Variants in MZT1 observed in about 807,000 individuals in gnomAD.
The protein encoded by MZT1 is mitotic spindle organizing protein 1, also known as mitotic-spindle organizing protein 1.
A neutral mutation model predicts 8.5 loss-of-function variants in MZT1; 8 were observed. That is an observed-to-expected ratio of 0.94 (90% CI 0.55 to 1.70). MZT1 has a LOEUF of 1.70. Ranked by LOEUF, MZT1 falls within the 40% of genes most tolerant of loss-of-function variation. The pLI is 0.00. For synonymous variants in MZT1, 38 were observed against 42.0 expected (o/e 0.90, Z 0.37); for missense variants, 93 against 108.6 (o/e 0.86, Z 0.64).
Position 72,708,874 on chromosome 13 carries a change from T to C in MZT1, c.*1448A>G, listed in dbSNP as rs1000326468. On this transcript the variant is annotated 3_prime_UTR_variant, in exon 3 of 3. Transcript: ENST00000377818. ...AGGTTGCTATTTAAATATTACCAAATCTTAATAAAACCACTTCAGCTTGTC... is the reference window on the plus strand; with the variant it reads ...AGGTTGCTATTTAAATATTACCAAACCTTAATAAAACCACTTCAGCTTGTC... 2 of 149,378 alleles carry C rather than the reference T, an allele frequency of 1.3e-5. No individual in the cohort carries two copies. The highest frequency in any genetic ancestry group is 3.0e-5 in the Non-Finnish European group (2 of 67,458). 9.3% of individuals were successfully genotyped at this position (149,378 alleles called of 1,614,324 possible). A position where few individuals can be genotyped will look rare whatever the true frequency, so the allele number is the denominator to read the frequency against.
intron 1 of MZT1, 83 bp from the exon 2 acceptor site, chr13:72,719,180 A>AT: frequency 9.1e-7 from 1 of 1,097,086 alleles, no homozygotes. Flanking sequence ...TAATTTATAT[A>AT]TCACTGCACA....
rs768769963 is a variant in MZT1, at chr13:72,727,595, C to T, written c.8G>A (p.Ser3Asn). 7 of 1,599,500 alleles carry T rather than the reference C, an allele frequency of 4.4e-6. No homozygotes were observed. The East Asian group carries it at 1.1e-4, about 26-fold the overall frequency. Residue 3 changes from serine (S) to asparagine (N), a missense_variant, in exon 1 of 3, where the codon AGT (serine) becomes AAT (asparagine). Transcript: ENST00000377818. MA[S>N]SSGAGAAAAA... is the part of the protein sequence containing the mutation. The stretch of plus-strand genomic sequence containing the variant: ...CGCCGCCGCCCCAGCACCGCTGCTA[C>T]TCGCCATGGCTAAGGCCGAGGGAGG...
At position 72,710,347 on chromosome 13, in the gene MZT1, T is replaced by A; in HGVS notation, c.226-2A>T. The A allele has an allele frequency of 6.2e-7, 1 of 1,613,092 alleles. No individual in the cohort carries two copies. Among genetic ancestry groups the A allele is most frequent in the Non-Finnish European group, 8.5e-7 (1 of 1,179,300 alleles). On this transcript the variant is annotated splice_acceptor_variant, in intron 2 of 2. Coordinates refer to ENST00000377818, the MANE Select transcript of MZT1 (RefSeq NM_001071775.3). LOFTEE classifies it high-confidence loss of function. ...TCAGCTTGTCATATTTTCAGCAGCC[T>A]AGAACAAGAAAGTAAGATTCATTAC...
intron 2 of MZT1, among the ~76,000 whole-genome samples, chr13:72,718,401 A>G (rs1006143544): frequency 5.9e-5 from 9 of 152,288 alleles, no homozygotes; most frequent in Middle Eastern, 3.4e-3. Flanking sequence ...AGCAGGCACA[A>G]TTTTACTCAC....
intron 1 of MZT1, among the ~76,000 whole-genome samples, chr13:72,722,791 C>A (rs1198921998): frequency 6.6e-6 from 1 of 152,206 alleles, no homozygotes; most frequent in Non-Finnish European, 1.5e-5. Context: ...GGAAACCTCT[C>A]TCTTCCTAAT....
intron 1 of MZT1, among the ~76,000 whole-genome samples, chr13:72,726,448 G>A (rs1384017495): frequency 6.6e-6 from 1 of 152,030 alleles, no homozygotes; most frequent in Non-Finnish European, 1.5e-5. Flanking sequence ...GAAAAAAAGA[G>A]CCTACGGTGA....
chr13:72,724,303 G>T (rs913671650), intron 1 of MZT1, among the ~76,000 whole-genome samples: 2 of 151,986 alleles, frequency 1.3e-5, no homozygotes, highest in Non-Finnish European at 2.9e-5. Flanking sequence ...AAGACTGGTG[G>T]GTAGGATGAA....
At chr13:72,714,982 G>A (rs1192466089) in intron 2 of MZT1, among the ~76,000 whole-genome samples, 1 of 152,152 alleles carries the variant, frequency 6.6e-6, no homozygotes, top group African/African-American at 2.4e-5. Context: ...TGAGAAGAGG[G>A]CCACCGTTCT....
chr13:72,712,590 A>G (rs1268589990), intron 2 of MZT1, among the ~76,000 whole-genome samples: 1 of 152,204 alleles, frequency 6.6e-6, no homozygotes, highest in Non-Finnish European at 1.5e-5. Context: ...GTGTATCTTA[A>G]TTACTGATTT....
At chr13:72,713,259 T>A (rs530469727) in intron 2 of MZT1, among the ~76,000 whole-genome samples, 1 of 152,330 alleles carries the variant, frequency 6.6e-6, no homozygotes, top group East Asian at 1.9e-4. Context: ...TAGCATAGGA[T>A]AAGTATCCCT....
At chr13:72,721,193 C>T (rs998884891) in intron 1 of MZT1, among the ~76,000 whole-genome samples, 1 of 152,076 alleles carries the variant, frequency 6.6e-6, no homozygotes, top group Non-Finnish European at 1.5e-5. Flanking sequence ...AATGAGATAC[C>T]GTTATCTGGA....
In MZT1 at chr13:72,718,932, A is replaced by T; in HGVS notation, c.225+20T>A. On this transcript the variant is annotated intron_variant, in intron 2 of 2. Transcript: ENST00000377818. ...AATAAAAGCATCTTTATTTAGAATG[A>T]ACTAATAGGAATCTCCAACCTTCAG... 1 of 1,555,376 alleles carries T rather than the reference A, an allele frequency of 6.4e-7. No homozygotes were observed. The highest frequency in any genetic ancestry group is 1.2e-5 in the South Asian group (1 of 81,832).
rs139032196 is a variant in MZT1, at chr13:72,709,661, A to AT, written c.*660dup. 4 of 152,042 alleles carry AT rather than the reference A, an allele frequency of 2.6e-5. No homozygotes were observed. The highest frequency in any genetic ancestry group is 4.8e-5 in the African/African-American group (2 of 41,422). 9.4% of individuals were successfully genotyped at this position (152,042 alleles called of 1,614,324 possible). ...TAAAATCCAAGTTTCTCAAAGTTTG[A>AT]TTTTTTTACTCAATACAAAAATGAC... is the stretch of plus-strand genomic sequence containing the variant. On this transcript the variant is annotated 3_prime_UTR_variant, in exon 3 of 3. Coordinates refer to ENST00000377818, the MANE Select transcript of MZT1 (RefSeq NM_001071775.3).
intron 1 of MZT1, among the ~76,000 whole-genome samples, chr13:72,720,525 A>G (rs1312632806): frequency 6.6e-6 from 1 of 152,230 alleles, no homozygotes; most frequent in Non-Finnish European, 1.5e-5. Flanking sequence ...AAATTCTTAT[A>G]GTATTTATCA....
intron 1 of MZT1, among the ~76,000 whole-genome samples, chr13:72,723,354 T>G (rs2032608164): frequency 6.6e-6 from 1 of 152,192 alleles, no homozygotes; most frequent in Non-Finnish European, 1.5e-5. Context: ...TACCATATGA[T>G]CAGTACAGGT....
chr13:72,717,334 TTTC>T (rs2032545265), intron 2 of MZT1, among the ~76,000 whole-genome samples: 1 of 122,208 alleles, frequency 8.2e-6, no homozygotes, highest in South Asian at 2.6e-4. Flanking sequence ...AATCTGTCAC[TTTC>T]TTTTTTTTTT....
At chr13:72,721,538 C>T (rs1043182284) in intron 1 of MZT1, among the ~76,000 whole-genome samples, 2 of 152,174 alleles carry the variant, frequency 1.3e-5, no homozygotes, top group Non-Finnish European at 2.9e-5. Flanking sequence ...TGCAGTTCTC[C>T]CCTCTCAGGT....
intron 1 of MZT1, among the ~76,000 whole-genome samples, chr13:72,724,719 C>T (rs7988716): frequency 0.55 from 14,304 of 26,202 alleles, 4,670 homozygotes; most frequent in Non-Finnish European, 0.8. Flanking sequence ...TATATATATA[C>T]ATATATATAT....
intron 2 of MZT1, among the ~76,000 whole-genome samples, chr13:72,711,095 G>A (rs2032484710): frequency 6.6e-6 from 1 of 152,052 alleles, no homozygotes; most frequent in African/African-American, 2.4e-5. Flanking sequence ...TAAGAGAAAG[G>A]GCAAGCCTTA....
Sources: allele counts gnomAD v4.1 joint callset (sites outside exome capture counted in the v4.1 genomes callset), GRCh38; gene constraint gnomAD v4.1.1; transcripts MANE v1.5; gene names NCBI Gene and HGNC (gene_info 2026-07-23, HGNC 2026-07-21).